DNAAF6: variants seen among roughly 807,000 people sequenced by gnomAD.
DNAAF6 encodes the protein PIH1 domain containing 3.
In DNAAF6, 3 loss-of-function variants were observed where a neutral mutation model predicts 13.7. The observed-to-expected ratio is 0.22, with a 90% CI of 0.10 to 0.56. The LOEUF (loss-of-function observed/expected upper bound fraction) is 0.56. DNAAF6 is among the 20% of genes least tolerant of loss of function. The pLI, the probability that DNAAF6 is intolerant of heterozygous loss-of-function variation, is 0.92. For synonymous variants in DNAAF6, 54 were observed against 49.2 expected, an observed-to-expected ratio of 1.10 and a Z score of -0.41; for missense variants, 130 against 151.0, an observed-to-expected ratio of 0.86 and a Z score of 0.73.
In DNAAF6 at chrX:107,219,546, T is replaced by C. The variant is rs147500138; in HGVS notation, c.332+577T>C. ...AATTTAGAATTATTATAAAAAGCCT[T>C]TTATTCTGATTTTAAAAGCACTCAT... On this transcript the variant is annotated intron_variant, in intron 4 of 6. Coordinates refer to ENST00000372453, the MANE Select transcript of DNAAF6 (RefSeq NM_173494.2). Among the ~76,000 whole-genome samples, 510 of 111,791 alleles carry C rather than the reference T, an allele frequency of 4.6e-3. 5 individuals carry two copies. Among genetic ancestry groups the C allele is most frequent in the African/African-American group, 0.015 (471 of 30,827 alleles).
In DNAAF6 at chrX:107,243,205, T is replaced by C; in HGVS notation, c.552T>C (p.Cys184=). 8.3e-7 allele frequency: 1 copy of C among 1,209,624 alleles called. No individual in the cohort carries two copies. The highest frequency in any genetic ancestry group is 1.1e-6 in the Non-Finnish European group (1 of 894,704). The part of the protein sequence containing the change: ...LLITLPELVE[C]TSAKAFYIPE... ...TAACTCTTCCTGAGCTGGTGGAATGTACCAGTGCCAAAGCATTCTATATCC... is the reference window on the plus strand; with the variant it reads ...TAACTCTTCCTGAGCTGGTGGAATGCACCAGTGCCAAAGCATTCTATATCC... Residue 184 remains cysteine, a synonymous_variant, in exon 7 of 7, where the codon TGT becomes TGC. Coordinates refer to ENST00000372453, the MANE Select transcript of DNAAF6 (RefSeq NM_173494.2).
chrX:107,227,693 A>G (rs1191736808), intron 5 of DNAAF6, among the ~76,000 whole-genome samples: 1 of 110,994 alleles, frequency 9.0e-6, no homozygotes, highest in Non-Finnish European at 1.9e-5. Flanking sequence ...ATGTCATAAC[A>G]CTCCTTCATA....
chrX:107,237,558 C>T (rs1226338465), intron 5 of DNAAF6, among the ~76,000 whole-genome samples: 4 of 112,377 alleles, frequency 3.6e-5, no homozygotes. Context: ...GTTGTGCAAC[C>T]ATCACCAGTA....
intron 6 of DNAAF6, among the ~76,000 whole-genome samples, chrX:107,239,730 T>C (rs1008359993): frequency 3.6e-5 from 4 of 112,168 alleles, no homozygotes; most frequent in Non-Finnish European, 5.6e-5. Context: ...TCTTGGCTTC[T>C]ATAGTAAATG....
chrX:107,236,341 T>G (rs1407353529), intron 5 of DNAAF6, among the ~76,000 whole-genome samples: 1 of 112,167 alleles, frequency 8.9e-6, no homozygotes, highest in Non-Finnish European at 1.9e-5. Flanking sequence ...TTAAATTGTT[T>G]GGTCAGTGAC....
At chrX:107,208,129 A>C (rs1392359311) in intron 1 of DNAAF6, among the ~76,000 whole-genome samples, 2 of 111,028 alleles carry the variant, frequency 1.8e-5, no homozygotes, top group African/African-American at 6.5e-5. Context: ...ATTAAAACTA[A>C]TTTTTCTGTC....
chrX:107,217,416 A>G (rs1928019382), intron 3 of DNAAF6, among the ~76,000 whole-genome samples: 1 of 111,831 alleles, frequency 8.9e-6, no homozygotes, highest in Admixed American at 9.6e-5. Context: ...CTCTGATACT[A>G]CAATGCAGAT....
At chrX:107,233,304 A>G (rs764801241) in intron 5 of DNAAF6, among the ~76,000 whole-genome samples, 56 of 111,553 alleles carry the variant, frequency 5.0e-4, no homozygotes, top group African/African-American at 1.7e-3. Flanking sequence ...CAAGCTAATT[A>G]ATGTATTTAT....
chrX:107,218,790 T>G, intron 3 of DNAAF6, 74 bp from the exon 4 acceptor site: 1 of 994,862 alleles, frequency 1.0e-6, no homozygotes, highest in Non-Finnish European at 1.4e-6. Context: ...CCAAACTGAG[T>G]GTGAAGAAGA....
At chrX:107,213,885 A>G (rs1372658339) in intron 2 of DNAAF6, among the ~76,000 whole-genome samples, 1 of 111,697 alleles carries the variant, frequency 9.0e-6, no homozygotes, top group Admixed American at 9.5e-5. Flanking sequence ...CCAATTTATC[A>G]TGAATAAATC....
Position 107,238,943 on chromosome X carries a change from A to T in DNAAF6, c.451A>T (p.Thr151Ser). 8.3e-7 allele frequency: 1 copy of T among 1,210,732 alleles called. No individual in the cohort carries two copies. Among genetic ancestry groups the T allele is most frequent in the Non-Finnish European group, 1.1e-6 (1 of 895,053 alleles). The change falls in exon 6 of 7, where the codon ACA becomes TCA. Residue 151 changes from threonine to serine, a missense_variant. Transcript: ENST00000372453. ...TCAGGCTAAAATTAAATTGCCAAAT[A>T]CAAACCCTTCTGATATTCAAATTGA... ...ELVAKIKLPNTNPSDIQIDIQ... is the reference protein window; with the variant it reads ...ELVAKIKLPNSNPSDIQIDIQ...
intron 6 of DNAAF6, among the ~76,000 whole-genome samples, chrX:107,241,267 A>AT (rs935572786): frequency 5.6e-4 from 63 of 111,518 alleles, no homozygotes; most frequent in Admixed American, 1.1e-3. Context: ...CACTGTAGAG[A>AT]TTTTTTTTGT....
intron 5 of DNAAF6, among the ~76,000 whole-genome samples, chrX:107,235,520 A>G (rs1928494020): frequency 9.0e-6 from 1 of 111,503 alleles, no homozygotes; most frequent in African/African-American, 3.3e-5. Flanking sequence ...TTGTATCCTA[A>G]GGACACTCAA....
In DNAAF6 at chrX:107,208,650, G is replaced by A. The variant is rs1004663700; in HGVS notation, c.-4+1960G>A. ...CCTCCCGGGTTCAAGCGATTCTTGT[G>A]CCTCAGCCACCCGAGGAGATGGGAT... is the stretch of plus-strand genomic sequence containing the variant. On this transcript the variant is annotated intron_variant, in intron 1 of 6. Transcript: ENST00000372453. Among the ~76,000 whole-genome samples the A allele has an allele frequency of 3.7e-5, 4 of 107,673 alleles. No homozygotes were observed. The East Asian group carries it at 1.2e-3, about 32-fold the overall frequency. The allele number at this position is 107,673 out of a possible 115,157, so 93.5% of individuals were successfully genotyped here.
At position 107,235,401 on chromosome X, in the gene DNAAF6, A is replaced by G. The variant is rs147782217; in HGVS notation, c.430-3521A>G. ...TTGAGTAGGGCTGACCTGTATAACT[A>G]ATAAGATTTTTTTTAATGAAAAAGT... On this transcript the variant is annotated intron_variant, in intron 5 of 6. Transcript: ENST00000372453. Among the ~76,000 whole-genome samples, 515 of 111,342 alleles carry G rather than the reference A, an allele frequency of 4.6e-3. 4 individuals carry two copies. The highest frequency in any genetic ancestry group is 0.016 in the African/African-American group (481 of 30,629).
intron 5 of DNAAF6, among the ~76,000 whole-genome samples, chrX:107,229,837 C>G (rs770809070): frequency 1.8e-5 from 2 of 109,960 alleles, no homozygotes; most frequent in South Asian, 8.1e-4. Context: ...ACAGGCGCCC[C>G]CCACCACGCC....
intron 5 of DNAAF6, among the ~76,000 whole-genome samples, chrX:107,236,764 C>T (rs1294719740): frequency 8.9e-6 from 1 of 111,825 alleles, no homozygotes; most frequent in African/African-American, 3.2e-5. Flanking sequence ...TAATATTTTG[C>T]CATGAAAATT....
At chrX:107,218,258 C>G (rs1928037953) in intron 3 of DNAAF6, among the ~76,000 whole-genome samples, 1 of 111,668 alleles carries the variant, frequency 9.0e-6, no homozygotes, top group Admixed American at 9.6e-5. Context: ...TCATGCTCAG[C>G]TCTGCATGAG....
intron 5 of DNAAF6, among the ~76,000 whole-genome samples, chrX:107,232,416 C>A (rs6616638): frequency 0.26 from 28,977 of 110,450 alleles, 3,317 homozygotes; most frequent in East Asian, 0.47. Context: ...ATGCATGACT[C>A]CTCTCCCATC....
Sources: allele counts gnomAD v4.1 joint callset (sites outside exome capture counted in the v4.1 genomes callset), GRCh38; gene constraint gnomAD v4.1.1; transcripts MANE v1.5; gene names NCBI Gene and HGNC (gene_info 2026-07-23, HGNC 2026-07-21).